The following WDPCP variants were observed in gnomAD, a reference collection of about 807,000 sequenced individuals.
WDPCP encodes the protein WD repeat containing planar cell polarity effector, also known as WD repeat-containing and planar cell polarity effector protein fritz homolog.
Under a neutral mutation model 93.1 loss-of-function variants are expected in WDPCP, and 71 were observed. That is an observed-to-expected ratio of 0.76 (90% CI 0.63 to 0.93). The LOEUF (loss-of-function observed/expected upper bound fraction) is 0.93, where lower values mean the gene tolerates loss of function less well. WDPCP is among the 40% of genes least tolerant of loss of function. The pLI is 0.00. For synonymous variants in WDPCP, 315 were observed against 315.0 expected (o/e 1.00, Z 0.00); for missense variants, 844 against 887.4 (o/e 0.95, Z 0.62).
At chr2:63,440,439 A>C (rs1034413415) in intron 6 of WDPCP, 2 of 152,364 alleles carry the variant, frequency 1.3e-5, no homozygotes, top group Non-Finnish European at 2.9e-5. Flanking sequence ...AAATTTTTAA[A>C]ATCATAAACA....
chr2:63,258,885 C>T (rs766109413), intron 14 of WDPCP, among the ~76,000 whole-genome samples: 2 of 152,030 alleles, frequency 1.3e-5, no homozygotes, highest in Non-Finnish European at 2.9e-5. Flanking sequence ...AAAACAATCA[C>T]CCATCAAACC....
chr2:63,573,576 T>A (rs1468426105), intron 1 of WDPCP, among the ~76,000 whole-genome samples: 1 of 152,160 alleles, frequency 6.6e-6, no homozygotes, highest in Non-Finnish European at 1.5e-5. Flanking sequence ...CTGAGGAGGA[T>A]GTATGCCGCC....
chr2:63,579,588 C>A (rs541708354), intron 1 of WDPCP, among the ~76,000 whole-genome samples: 1 of 151,994 alleles, frequency 6.6e-6, no homozygotes, highest in Non-Finnish European at 1.5e-5. Flanking sequence ...CCAGCCTGGG[C>A]AACAGAGCTA....
chr2:63,602,695 C>T (rs959106256), intron 3 of WDPCP, among the ~76,000 whole-genome samples: 64 of 152,206 alleles, frequency 4.2e-4, no homozygotes, highest in African/African-American at 1.5e-3. Flanking sequence ...TATGGTCACA[C>T]CACCCTCTGT....
chr2:63,221,777 C>T (rs1348556474), intron 14 of WDPCP, among the ~76,000 whole-genome samples: 2 of 152,120 alleles, frequency 1.3e-5, no homozygotes, highest in Non-Finnish European at 2.9e-5. Context: ...TAGGTGTCCA[C>T]TTGTTGTTTC....
At chr2:63,617,128 C>T (rs1174113795) in intron 3 of WDPCP, among the ~76,000 whole-genome samples, 2 of 152,168 alleles carry the variant, frequency 1.3e-5, no homozygotes, top group African/African-American at 2.4e-5. Flanking sequence ...CCATTCAAGA[C>T]ACAGAATAAA....
intron 2 of WDPCP, among the ~76,000 whole-genome samples, chr2:63,787,209 A>G (rs897022463): frequency 1.4e-4 from 22 of 152,216 alleles, no homozygotes; most frequent in Non-Finnish European, 1.0e-4. Context: ...AATTGGAGGG[A>G]AGAATCTAGA....
At chr2:63,138,688 G>A (rs1299329388) in intron 17 of WDPCP, among the ~76,000 whole-genome samples, 4 of 151,976 alleles carry the variant, frequency 2.6e-5, no homozygotes, top group Non-Finnish European at 4.4e-5. Context: ...TCCTGACCTC[G>A]TGATCCACCC....
intron 2 of WDPCP, among the ~76,000 whole-genome samples, chr2:63,788,421 T>A (rs945873657): frequency 2.0e-5 from 3 of 152,204 alleles, no homozygotes; most frequent in Non-Finnish European, 4.4e-5. Context: ...GAGAGAAACA[T>A]ATGGTTCAGT....
At chr2:63,751,168 A>C (rs1669875631) in intron 2 of WDPCP, among the ~76,000 whole-genome samples, 1 of 152,126 alleles carries the variant, frequency 6.6e-6, no homozygotes. Context: ...TTTTTGTTTA[A>C]CCTGTATTGA....
chr2:63,755,203 C>T (rs973912155), intron 2 of WDPCP, among the ~76,000 whole-genome samples: 5 of 152,160 alleles, frequency 3.3e-5, no homozygotes, highest in East Asian at 1.9e-4. Flanking sequence ...TTGTTCGTTA[C>T]ACAGGTCTGC....
At chr2:63,122,522 A>G (rs1245111014) in intron 17 of WDPCP, among the ~76,000 whole-genome samples, 4 of 152,204 alleles carry the variant, frequency 2.6e-5, no homozygotes, top group Non-Finnish European at 4.4e-5. Flanking sequence ...TAAGACTTTC[A>G]TAACATTTTA....
intron 2 of WDPCP, among the ~76,000 whole-genome samples, chr2:63,687,197 G>A (rs1276733775): frequency 3.3e-5 from 5 of 152,302 alleles, no homozygotes; most frequent in Admixed American, 6.5e-5. Context: ...CAAGCTTGAC[G>A]TAAATATAAG....
intron 15 of WDPCP, among the ~76,000 whole-genome samples, chr2:63,172,065 G>C (rs1673431469): frequency 6.6e-6 from 1 of 152,188 alleles, no homozygotes; most frequent in Admixed American, 6.5e-5. Flanking sequence ...TTGGGCATAA[G>C]GGAACTATTT....
At chr2:63,823,609 T>A (rs1671062936) in intron 1 of WDPCP, among the ~76,000 whole-genome samples, 1 of 152,142 alleles carries the variant, frequency 6.6e-6, no homozygotes. Context: ...TTGTTTGTTT[T>A]CTCTCTGTCT....
intron 15 of WDPCP, among the ~76,000 whole-genome samples, chr2:63,172,810 G>A (rs1055939026): frequency 1.1e-4 from 16 of 152,312 alleles, no homozygotes; most frequent in African/African-American, 3.4e-4. Flanking sequence ...AAAGTACCAT[G>A]CAATCTGAAG....
intron 12 of WDPCP, among the ~76,000 whole-genome samples, chr2:63,328,860 T>C (rs764648397): frequency 6.6e-6 from 1 of 152,138 alleles, no homozygotes; most frequent in Non-Finnish European, 1.5e-5. Flanking sequence ...CTGAGTAGGC[T>C]GGGGCTACAG....
At chr2:63,393,731 G>A (rs1693479493) in intron 10 of WDPCP, among the ~76,000 whole-genome samples, 1 of 151,858 alleles carries the variant, frequency 6.6e-6, no homozygotes, top group Non-Finnish European at 1.5e-5. Flanking sequence ...AACAGACACA[G>A]AGACCAATGA....
intron 14 of WDPCP, among the ~76,000 whole-genome samples, chr2:63,178,204 A>G (rs1452187747): frequency 6.6e-6 from 1 of 152,156 alleles, no homozygotes; most frequent in Non-Finnish European, 1.5e-5. Flanking sequence ...TGGCTTTGTT[A>G]CTAGGGTAAT....
Sources: gnomAD v4.1 joint callset for allele counts (sites outside exome capture counted in the v4.1 genomes callset) on GRCh38, gnomAD v4.1.1 for gene constraint, MANE v1.5 for transcripts, NCBI Gene and HGNC (gene_info 2026-07-23, HGNC 2026-07-21) for gene names.